The following PPARGC1A variants were observed in gnomAD, a reference collection of about 807,000 sequenced individuals.
PPARGC1A encodes the protein PPARG coactivator 1 alpha, also known as peroxisome proliferator-activated receptor gamma coactivator 1-alpha.
In PPARGC1A, 25 loss-of-function variants were observed where a neutral mutation model predicts 88.7. That is an observed-to-expected ratio of 0.28 (90% CI 0.21 to 0.39). The LOEUF (loss-of-function observed/expected upper bound fraction) is 0.39, where lower values mean the gene tolerates loss of function less well. Ranked by LOEUF, PPARGC1A falls within the 10% of genes least tolerant of loss-of-function variation. The probability of loss-of-function intolerance (pLI) is 1.00; values close to 1 mark genes in which losing one functional copy is unlikely to be tolerated. For missense variants in PPARGC1A, 880 were observed against 968.7 expected (o/e 0.91, Z 1.22); for synonymous variants, 363 against 355.6 (o/e 1.02, Z -0.24).
chr4:24,251,993 A>G, the PPARGC1A span, among the ~76,000 whole-genome samples: 2 of 152,112 alleles, frequency 1.3e-5, no homozygotes, highest in Non-Finnish European at 2.9e-5. Context: ...TATCATTACT[A>G]ATATTATTAC....
the PPARGC1A span, among the ~76,000 whole-genome samples, chr4:24,327,188 C>A: frequency 6.6e-6 from 1 of 152,220 alleles, no homozygotes; most frequent in South Asian, 2.1e-4. Context: ...ATTTGAGCTC[C>A]TGTATAGACG....
chr4:24,280,287 C>T, the PPARGC1A span, among the ~76,000 whole-genome samples: 1 of 152,222 alleles, frequency 6.6e-6, no homozygotes, highest in Admixed American at 6.5e-5. Context: ...GCTGAAGTCA[C>T]AGCTGCTATC....
chr4:24,253,060 C>T, the PPARGC1A span, among the ~76,000 whole-genome samples: 1 of 152,016 alleles, frequency 6.6e-6, no homozygotes, highest in Non-Finnish European at 1.5e-5. Flanking sequence ...AAATAATGGT[C>T]AAGGGAATTT....
chr4:24,206,119 A>G, the PPARGC1A span, among the ~76,000 whole-genome samples: 3 of 152,344 alleles, frequency 2.0e-5, no homozygotes, highest in South Asian at 6.2e-4. Flanking sequence ...TATGCCTGAA[A>G]CAAGCCTTTG....
the PPARGC1A span, among the ~76,000 whole-genome samples, chr4:24,391,909 A>G: frequency 6.6e-6 from 1 of 152,306 alleles, no homozygotes; most frequent in East Asian, 1.9e-4. Flanking sequence ...TACGCTGTAT[A>G]TTCTTTTAAA....
chr4:24,305,665 A>G, the PPARGC1A span, among the ~76,000 whole-genome samples: 2 of 152,158 alleles, frequency 1.3e-5, no homozygotes, highest in African/African-American at 4.8e-5. Context: ...ATACAAAATT[A>G]GCCGGATGTG....
the PPARGC1A span, among the ~76,000 whole-genome samples, chr4:24,254,662 C>T: frequency 2.6e-5 from 4 of 152,164 alleles, no homozygotes; most frequent in African/African-American, 7.2e-5. Context: ...CTGCAGAGGG[C>T]GTGACGTGAA....
the PPARGC1A span, among the ~76,000 whole-genome samples, chr4:24,403,641 T>C: frequency 1.3e-5 from 2 of 152,204 alleles, no homozygotes; most frequent in Non-Finnish European, 2.9e-5. Flanking sequence ...ACCCGCTGGA[T>C]ACAATCACTT....
chr4:24,378,474 C>A, the PPARGC1A span, among the ~76,000 whole-genome samples: 4 of 151,230 alleles, frequency 2.6e-5, no homozygotes, highest in African/African-American at 9.8e-5. Flanking sequence ...ACTTCAATAA[C>A]CATGGTTAAA....
the PPARGC1A span, among the ~76,000 whole-genome samples, chr4:24,191,100 A>T: frequency 1.3e-5 from 2 of 152,226 alleles, no homozygotes; most frequent in South Asian, 2.1e-4. Flanking sequence ...ACAGTTCTCA[A>T]CACAAACCAG....
the PPARGC1A span, among the ~76,000 whole-genome samples, chr4:24,103,515 A>G: frequency 1.8e-4 from 28 of 151,998 alleles, no homozygotes; most frequent in African/African-American, 6.8e-4. Context: ...AGCTGCTGCA[A>G]GAAGCACTAG....
chr4:24,297,463 C>T, the PPARGC1A span, among the ~76,000 whole-genome samples: 3 of 152,128 alleles, frequency 2.0e-5, no homozygotes, highest in Non-Finnish European at 2.9e-5. Context: ...CACAATTTAC[C>T]TTCATGAGCC....
chr4:24,371,805 G>T, the PPARGC1A span, among the ~76,000 whole-genome samples: 1 of 149,358 alleles, frequency 6.7e-6, no homozygotes, highest in Non-Finnish European at 1.5e-5. Flanking sequence ...AAAAAAATTG[G>T]GCAGGCATGG....
At chr4:24,211,161 A>G in the PPARGC1A span, among the ~76,000 whole-genome samples, 8 of 152,166 alleles carry the variant, frequency 5.3e-5, no homozygotes, top group East Asian at 1.6e-3. Context: ...GGCTCATAGT[A>G]GGTGCTTAAT....
At chr4:24,300,737 T>C in the PPARGC1A span, among the ~76,000 whole-genome samples, 1 of 152,084 alleles carries the variant, frequency 6.6e-6, no homozygotes, top group Non-Finnish European at 1.5e-5. Context: ...TTTTGTAGCT[T>C]CCCTTGCAGC....
chr4:24,119,486 A>G, the PPARGC1A span, among the ~76,000 whole-genome samples: 1 of 152,182 alleles, frequency 6.6e-6, no homozygotes, highest in Admixed American at 6.5e-5. Context: ...CTGTCAGGAT[A>G]TCAAATTAGC....
the PPARGC1A span, among the ~76,000 whole-genome samples, chr4:24,278,336 G>A: frequency 6.6e-6 from 1 of 152,112 alleles, no homozygotes; most frequent in Admixed American, 6.5e-5. Flanking sequence ...ACCTTTAAAA[G>A]GAACTTATTA....
chr4:24,023,166 T>C, the PPARGC1A span, among the ~76,000 whole-genome samples: 1 of 152,190 alleles, frequency 6.6e-6, no homozygotes, highest in Admixed American at 6.5e-5. Flanking sequence ...AGGATTTTAC[T>C]CCTTTCGTAT....
chr4:23,918,083 C>T, the PPARGC1A span, among the ~76,000 whole-genome samples: 5 of 152,304 alleles, frequency 3.3e-5, no homozygotes, highest in African/African-American at 1.2e-4. Context: ...GGCCTTTCAC[C>T]TGTTCAAGGC....
Sources: gnomAD v4.1 joint callset for allele counts (sites outside exome capture counted in the v4.1 genomes callset) on GRCh38, gnomAD v4.1.1 for gene constraint, MANE v1.5 for transcripts, NCBI Gene and HGNC (gene_info 2026-07-23, HGNC 2026-07-21) for gene names.